Variants in CUX1 observed in about 807,000 individuals in gnomAD.
CUX1 encodes cut like homeobox 1.
A neutral mutation model predicts 158.8 loss-of-function variants in CUX1; 31 were observed. That is an observed-to-expected ratio of 0.20 (90% CI 0.15 to 0.26). The LOEUF is 0.26. Among genes scored for constraint, CUX1 ranks in the 10% least tolerant of loss-of-function variants. CUX1 has a pLI of 1.00. For synonymous variants in CUX1, 879 were observed against 862.1 expected (o/e 1.02, Z -0.34); for missense variants, 1,589 against 2,014.6 (o/e 0.79, Z 4.04).
chr7:102,217,799 C>T lies in CUX1; in HGVS notation c.3131-9568C>T, dbSNP rs1222864256. ...TAGAGGGAGGGAGGCTCTGGATGGA[C>T]ACGATGGTGTCTAGAGGGAGGGAGG... On this transcript the variant is annotated intron_variant, in intron 20 of 23. Coordinates refer to ENST00000292535, the MANE Select transcript of CUX1 (RefSeq NM_181552.4). 5.5e-3 allele frequency among the ~76,000 whole-genome samples: 665 copies of T among 120,254 alleles called. 1 individual carries two copies. Among genetic ancestry groups the T allele is most frequent in the African/African-American group, 0.025 (610 of 24,210 alleles). The allele number at this position is 120,254 out of a possible 152,430, so 78.9% of individuals were successfully genotyped here. A position where few individuals can be genotyped will look rare whatever the true frequency, so the allele number is the denominator to read the frequency against.
chr7:102,216,499 C>T (rs894686857), intron 20 of CUX1, among the ~76,000 whole-genome samples: 115 of 145,088 alleles, frequency 7.9e-4, no homozygotes, highest in African/African-American at 2.7e-3. Flanking sequence ...AAAAAGAGGG[C>T]GTGCGTGTGT....
chr7:101,977,529 C>T (rs1334921939), intron 2 of CUX1, among the ~76,000 whole-genome samples: 1 of 152,116 alleles, frequency 6.6e-6, no homozygotes, highest in African/African-American at 2.4e-5. Context: ...GTAGTCCCAG[C>T]TATTTGGGAG....
chr7:101,972,660 G>A lies in CUX1; in HGVS notation c.142-55438G>A, dbSNP rs1239507236. On this transcript the variant is annotated intron_variant, in intron 2 of 23. Coordinates refer to ENST00000292535, the MANE Select transcript of CUX1 (RefSeq NM_181552.4). ...ACCACCTCCTGTGTATTCGTGTGCT[G>A]GAGTTCAGCCGCCAAGGTGGAGAGA... Among the ~76,000 whole-genome samples, 4 of 152,316 alleles carry A rather than the reference G, an allele frequency of 2.6e-5. No individual in the cohort carries two copies. In the East Asian group the frequency reaches 7.7e-4, roughly 29 times the overall value.
At chr7:102,040,814 A>G (rs996910542) in intron 3 of CUX1, among the ~76,000 whole-genome samples, 2 of 152,230 alleles carry the variant, frequency 1.3e-5, no homozygotes, top group African/African-American at 4.8e-5. Flanking sequence ...ACCTTGGGTG[A>G]GTCTCGGGGC....
In CUX1 at chr7:102,178,538, G is replaced by T; in HGVS notation, c.898G>T (p.Ala300Ser). ...VELAAKEREI[A>S]QLVEDVQRLQ... Reference sequence around the variant, plus strand: ...GTTGGCCGCCAAGGAGCGGGAGATCGCACAGCTGGTGGAGGACGTGCAGAG... The same window carrying T: ...GTTGGCCGCCAAGGAGCGGGAGATCTCACAGCTGGTGGAGGACGTGCAGAG... The change falls in exon 11 of 24, where the codon GCA (alanine) becomes TCA (serine). Residue 300 changes from alanine (A) to serine (S), a missense_variant. Physicochemically the swap from Ala to Ser is moderately conservative, Grantham distance 99. Coordinates refer to ENST00000292535, the MANE Select transcript of CUX1 (RefSeq NM_181552.4). The T allele has an allele frequency of 6.2e-7, 1 of 1,613,502 alleles. No individual in the cohort carries two copies. The highest frequency in any genetic ancestry group is 8.5e-7 in the Non-Finnish European group (1 of 1,179,680).
chr7:101,837,807 G>C (rs1283960797), intron 1 of CUX1, among the ~76,000 whole-genome samples: 3 of 127,208 alleles, frequency 2.4e-5, no homozygotes, highest in South Asian at 2.5e-4. Context: ...TTCCAGCCTG[G>C]GTGACAGAAC....
intron 4 of CUX1, among the ~76,000 whole-genome samples, chr7:102,078,021 G>C (rs917596893): frequency 1.3e-5 from 2 of 152,066 alleles, no homozygotes; most frequent in Non-Finnish European, 2.9e-5. Context: ...CTAGTTGTAG[G>C]GTAAAACACA....
At chr7:102,210,199 T>C (rs1173004167) in intron 20 of CUX1, among the ~76,000 whole-genome samples, 3 of 152,120 alleles carry the variant, frequency 2.0e-5, no homozygotes, top group Non-Finnish European at 4.4e-5. Context: ...GGGGTTCAAG[T>C]AATTCTCCTT....
At chr7:102,158,089 T>C (rs1789982431) in intron 8 of CUX1, among the ~76,000 whole-genome samples, 1 of 152,044 alleles carries the variant, frequency 6.6e-6, no homozygotes, top group South Asian at 2.1e-4. Context: ...TGCCTTTTCC[T>C]AAAGTAGCCT....
At chr7:101,857,792 C>A (rs1189008450) in intron 1 of CUX1, among the ~76,000 whole-genome samples, 1 of 151,958 alleles carries the variant, frequency 6.6e-6, no homozygotes, top group African/African-American at 2.4e-5. Context: ...AGCTCTTCCT[C>A]CTGGTGTATT....
intron 1 of CUX1, among the ~76,000 whole-genome samples, chr7:101,838,803 C>CAA (rs574880206): frequency 2.8e-5 from 4 of 144,928 alleles, no homozygotes; most frequent in African/African-American, 5.0e-5. Context: ...AACGCTGTCT[C>CAA]AAAAAAAAAA....
rs1001396459 is a variant in CUX1 at position 102,082,621 on chromosome 7, A to G, written c.268+12204A>G. Reference sequence around the variant, plus strand: ...AGTCAAGATGTAGAACATTTCTATCACCTCAAAAGTTCCCTTCTGATCCCA... The same window carrying G: ...AGTCAAGATGTAGAACATTTCTATCGCCTCAAAAGTTCCCTTCTGATCCCA... On this transcript the variant is annotated intron_variant, in intron 4 of 23. Coordinates refer to ENST00000292535, the MANE Select transcript of CUX1 (RefSeq NM_181552.4). Among the ~76,000 whole-genome samples the G allele has an allele frequency of 5.4e-5, 8 of 147,352 alleles. 1 individual carries two copies. Among genetic ancestry groups the G allele is most frequent in the Middle Eastern group, 6.4e-3 (2 of 314 alleles).
chr7:101,988,254 G>A (rs934150333), intron 2 of CUX1, among the ~76,000 whole-genome samples: 2 of 151,702 alleles, frequency 1.3e-5, no homozygotes, highest in South Asian at 2.1e-4. Flanking sequence ...AGTCAGCCCC[G>A]GTGTCTGATA....
At chr7:102,182,595 G>A (rs1180951475) in intron 11 of CUX1, among the ~76,000 whole-genome samples, 1 of 152,204 alleles carries the variant, frequency 6.6e-6, no homozygotes, top group South Asian at 2.1e-4. Context: ...ATTAGGCATG[G>A]AAACAGACGC....
chr7:102,276,921 C>T (rs537112549), intron 17 of CUX1, among the ~76,000 whole-genome samples: 3 of 152,256 alleles, frequency 2.0e-5, no homozygotes, highest in South Asian at 4.1e-4. Flanking sequence ...CCGAACTGTA[C>T]ACTTTGAAAT....
intron 14 of CUX1, among the ~76,000 whole-genome samples, chr7:102,196,404 C>T (rs1361487214): frequency 6.6e-6 from 1 of 152,158 alleles, no homozygotes; most frequent in Non-Finnish European, 1.5e-5. Context: ...CTGCAACGTA[C>T]AAGAAAGGCG....
intron 1 of CUX1, among the ~76,000 whole-genome samples, chr7:101,877,467 A>T (rs1406141517): frequency 6.6e-6 from 1 of 152,186 alleles, no homozygotes; most frequent in East Asian, 1.9e-4. Flanking sequence ...AAGGCGGATC[A>T]CTTGAGGTCA....
At chr7:101,879,629 C>T (rs906062674) in intron 1 of CUX1, among the ~76,000 whole-genome samples, 44 of 150,300 alleles carry the variant, frequency 2.9e-4, no homozygotes, top group African/African-American at 1.0e-3. Context: ...TGTGGTGTGA[C>T]CCCCCTGACA....
rs567439192 is a variant in CUX1 at position 102,053,201 on chromosome 7, A to G, written c.190-17138A>G. Among the ~76,000 whole-genome samples, 7 of 152,314 alleles carry G rather than the reference A, an allele frequency of 4.6e-5. No individual in the cohort carries two copies. The East Asian group carries it at 1.3e-3, about 29-fold the overall frequency. ...TTGCATTTCCCTAATGAGTATTGGC[A>G]TTGAGCATCTTTTCATGTGCCTATT... On this transcript the variant is annotated intron_variant, in intron 3 of 23. Coordinates refer to ENST00000292535, the MANE Select transcript of CUX1 (RefSeq NM_181552.4).
Sources: gnomAD v4.1 joint callset for allele counts (sites outside exome capture counted in the v4.1 genomes callset) on GRCh38, gnomAD v4.1.1 for gene constraint, MANE v1.5 for transcripts, NCBI Gene and HGNC (gene_info 2026-07-23, HGNC 2026-07-21) for gene names.